ITFG1: variants seen among roughly 807,000 people sequenced by gnomAD.
ITFG1 encodes the protein T-cell immunomodulatory protein.
Under a neutral mutation model 81.8 loss-of-function variants are expected in ITFG1, and 34 were observed. The observed-to-expected ratio is 0.42, with a 90% CI of 0.32 to 0.55. The LOEUF (loss-of-function observed/expected upper bound fraction) is 0.55. Ranked by LOEUF, ITFG1 falls within the 20% of genes least tolerant of loss-of-function variation. The pLI, the probability that ITFG1 is intolerant of heterozygous loss-of-function variation, is 0.17. For missense variants in ITFG1, 672 were observed against 755.4 expected (o/e 0.89, Z 1.29); for synonymous variants, 285 against 270.6 (o/e 1.05, Z -0.52).
At chr16:47,168,281 G>C (rs1222821054) in intron 14 of ITFG1, among the ~76,000 whole-genome samples, 2 of 151,758 alleles carry the variant, frequency 1.3e-5, no homozygotes, top group African/African-American at 4.8e-5. Flanking sequence ...TTTTGTTGTT[G>C]AATTGTAAAC....
intron 6 of ITFG1, among the ~76,000 whole-genome samples, chr16:47,398,537 G>T (rs916639456): frequency 1.3e-5 from 2 of 152,190 alleles, no homozygotes; most frequent in African/African-American, 4.8e-5. Flanking sequence ...TTTCAGTGAT[G>T]ATGGTAATTT....
chr16:47,421,869 C>A (rs527810240), intron 6 of ITFG1, among the ~76,000 whole-genome samples: 2 of 152,112 alleles, frequency 1.3e-5, no homozygotes, highest in African/African-American at 4.8e-5. Context: ...TGATGTTCCC[C>A]GCCCCCTGTC....
chr16:47,322,741 A>C (rs930469009), intron 8 of ITFG1, among the ~76,000 whole-genome samples: 17 of 152,218 alleles, frequency 1.1e-4, no homozygotes, highest in Admixed American at 6.5e-5. Flanking sequence ...AAATCTAGCT[A>C]ATTAGCACAT....
chr16:47,349,785 T>A (rs1346003005), intron 8 of ITFG1, among the ~76,000 whole-genome samples: 1 of 152,076 alleles, frequency 6.6e-6, no homozygotes, highest in Non-Finnish European at 1.5e-5. Flanking sequence ...CCACACCTAT[T>A]CCAAAACTGA....
At chr16:47,443,928 G>GA (rs1208194558) in intron 5 of ITFG1, among the ~76,000 whole-genome samples, 1 of 151,562 alleles carries the variant, frequency 6.6e-6, no homozygotes, top group Non-Finnish European at 1.5e-5. Context: ...AAAATGTAAG[G>GA]AAAAAACAAA....
intron 8 of ITFG1, among the ~76,000 whole-genome samples, chr16:47,359,717 G>A (rs999676948): frequency 6.6e-6 from 1 of 152,172 alleles, no homozygotes; most frequent in Admixed American, 6.5e-5. Context: ...TGTTGCCTTA[G>A]AATCTTCACT....
At chr16:47,393,886 A>G (rs1234173903) in intron 6 of ITFG1, among the ~76,000 whole-genome samples, 1 of 152,196 alleles carries the variant, frequency 6.6e-6, no homozygotes, top group African/African-American at 2.4e-5. Context: ...ACACACTAAC[A>G]TATCAGTGTC....
chr16:47,190,150 T>C (rs928845559), intron 14 of ITFG1, among the ~76,000 whole-genome samples: 4 of 152,130 alleles, frequency 2.6e-5, no homozygotes, highest in African/African-American at 9.7e-5. Context: ...GTTGGAGATC[T>C]GTACCTCTCT....
intron 8 of ITFG1, among the ~76,000 whole-genome samples, chr16:47,349,393 A>C (rs1189158463): frequency 1.3e-5 from 2 of 152,232 alleles, no homozygotes; most frequent in Non-Finnish European, 2.9e-5. Flanking sequence ...AAACAAAAAA[A>C]GGCAGGGGTT....
intron 14 of ITFG1, among the ~76,000 whole-genome samples, chr16:47,196,034 A>C (rs1361584233): frequency 6.6e-6 from 1 of 152,108 alleles, no homozygotes; most frequent in Admixed American, 6.5e-5. Flanking sequence ...TGGCATTACA[A>C]CACTTTAAAT....
intron 12 of ITFG1, among the ~76,000 whole-genome samples, chr16:47,243,502 T>G (rs1965961853): frequency 6.6e-6 from 1 of 152,222 alleles, no homozygotes; most frequent in Admixed American, 6.5e-5. Flanking sequence ...TAATTTGTTA[T>G]TATTGATTAA....
At chr16:47,230,724 T>G (rs1449359930) in intron 13 of ITFG1, among the ~76,000 whole-genome samples, 1 of 152,194 alleles carries the variant, frequency 6.6e-6, no homozygotes, top group Non-Finnish European at 1.5e-5. Context: ...TTATGTTTAG[T>G]GCTGCAGAGG....
At chr16:47,203,913 G>C (rs1442092293) in intron 14 of ITFG1, among the ~76,000 whole-genome samples, 1 of 152,164 alleles carries the variant, frequency 6.6e-6, no homozygotes, top group Non-Finnish European at 1.5e-5. Flanking sequence ...TGGGTACAGA[G>C]TTTCAAGTCT....
intron 8 of ITFG1, among the ~76,000 whole-genome samples, chr16:47,361,597 T>C (rs1968109947): frequency 6.6e-6 from 1 of 152,166 alleles, no homozygotes; most frequent in African/African-American, 2.4e-5. Context: ...GAGACATTTA[T>C]GGGTTGCAGA....
chr16:47,406,119 T>G (rs546990761), intron 6 of ITFG1, among the ~76,000 whole-genome samples: 1 of 152,356 alleles, frequency 6.6e-6, no homozygotes, highest in South Asian at 2.1e-4. Flanking sequence ...AACAGGTCTC[T>G]TCATCTTTGC....
chr16:47,382,292 G>A (rs1968405353), intron 6 of ITFG1, among the ~76,000 whole-genome samples: 1 of 152,156 alleles, frequency 6.6e-6, no homozygotes, highest in Non-Finnish European at 1.5e-5. Flanking sequence ...AATTCTGCCA[G>A]ATCATATTTT....
chr16:47,270,362 A>C (rs1966325436), intron 10 of ITFG1, among the ~76,000 whole-genome samples: 1 of 152,206 alleles, frequency 6.6e-6, no homozygotes, highest in Admixed American at 6.5e-5. Context: ...ATATTCAATA[A>C]TAAGAAAACA....
At position 47,437,654 on chromosome 16, in the gene ITFG1, C is replaced by G. The variant is rs1969185408; in HGVS notation, c.561-8756G>C. On this transcript the variant is annotated intron_variant, in intron 5 of 17. Transcript: ENST00000320640. The stretch of plus-strand genomic sequence containing the variant: ...ATTCTATTAGAAGCATACTCACTGT[C>G]TCATTCAGCTATCTTTCTACATGTT... 2.0e-5 allele frequency among the ~76,000 whole-genome samples: 3 copies of G among 152,188 alleles called. No individual in the cohort carries two copies. In the South Asian group the frequency reaches 6.2e-4, roughly 31 times the overall value.
intron 10 of ITFG1, among the ~76,000 whole-genome samples, chr16:47,297,389 C>A (rs1202784531): frequency 1.3e-5 from 2 of 152,070 alleles, no homozygotes; most frequent in Non-Finnish European, 2.9e-5. Flanking sequence ...CAATTTATAT[C>A]TTTTAAGTGG....
Sources: gnomAD v4.1 joint callset for allele counts (sites outside exome capture counted in the v4.1 genomes callset) on GRCh38, gnomAD v4.1.1 for gene constraint, MANE v1.5 for transcripts, NCBI Gene and HGNC (gene_info 2026-07-23, HGNC 2026-07-21) for gene names.